The following ADAMTS7 variants were observed in gnomAD, a reference collection of about 807,000 sequenced individuals.
ADAMTS7 encodes the protein ADAM metallopeptidase with thrombospondin type 1 motif 7, also known as A disintegrin and metalloproteinase with thrombospondin motifs 7.
In ADAMTS7, 89 loss-of-function variants were observed where a neutral mutation model predicts 172.6. That is an observed-to-expected ratio of 0.52 (90% CI 0.43 to 0.61). The LOEUF (loss-of-function observed/expected upper bound fraction) is 0.61, where lower values mean the gene tolerates loss of function less well. Ranked by LOEUF, ADAMTS7 falls within the 20% of genes least tolerant of loss-of-function variation. ADAMTS7 has a pLI of 0.00. For synonymous variants in ADAMTS7, 885 were observed against 978.4 expected, an observed-to-expected ratio of 0.90 and a Z score of 1.78; for missense variants, 1,973 against 2,355.6, an observed-to-expected ratio of 0.84 and a Z score of 3.36.
chr15:78,806,837 G>T (rs910979445), intron 1 of ADAMTS7, among the ~76,000 whole-genome samples: 3 of 152,132 alleles, frequency 2.0e-5, no homozygotes, highest in African/African-American at 7.2e-5. Flanking sequence ...CATGATCTTG[G>T]CTCACTGCAA....
At chr15:78,785,713 AG>A (rs1450269099) in intron 8 of ADAMTS7, among the ~76,000 whole-genome samples, 5 of 152,248 alleles carry the variant, frequency 3.3e-5, no homozygotes, top group African/African-American at 1.2e-4. Context: ...ATGTATGTAC[AG>A]GAAGTGATGC....
Position 78,800,504 on chromosome 15 carries a change from C to A in ADAMTS7, c.144G>T (p.Pro48=), listed in dbSNP as rs778595362. 1.0e-5 allele frequency: 16 copies of A among 1,607,538 alleles called. No individual in the cohort carries two copies. Among genetic ancestry groups the A allele is most frequent in the South Asian group, 3.3e-5 (3 of 90,018 alleles). The part of the protein sequence containing the change: ...EGRAALDIVH[P]VRVDAGGSFL... ...AGGAGCCCCCCGCGTCGACTCGAAC[C>A]GGGTGCACGATGTCCAGTGCCGCCC... Residue 48 remains proline, a synonymous_variant, in exon 2 of 24, where the codon CCG becomes CCT. Transcript: ENST00000388820.
intron 1 of ADAMTS7, among the ~76,000 whole-genome samples, chr15:78,804,542 C>A (rs1269719001): frequency 6.6e-6 from 1 of 152,220 alleles, no homozygotes; most frequent in African/African-American, 2.4e-5. Flanking sequence ...GCTGCCCAGC[C>A]CGAAGCTCCA....
In ADAMTS7 at chr15:78,767,571, C is replaced by G; in HGVS notation, c.2667G>C (p.Gln889His). 6.4e-7 allele frequency: 1 copy of G among 1,551,356 alleles called. No individual in the cohort carries two copies. The highest frequency in any genetic ancestry group is 8.7e-7 in the Non-Finnish European group (1 of 1,147,998). The change falls in exon 18 of 24, where the codon CAG becomes CAC. Residue 889 changes from glutamine to histidine, a missense_variant. Transcript: ENST00000388820. ...CPARWWAGEW[Q>H]LCSSSCGPGG... is the part of the protein sequence containing the mutation. ...CAGGCCCGCAGGAGCTGGAGCACAG[C>G]TGCCACTCACCTGCCCACCACCTGG...
intron 17 of ADAMTS7, 100 bp from the exon 18 acceptor site, chr15:78,767,692 T>G: frequency 8.6e-7 from 1 of 1,159,228 alleles, no homozygotes; most frequent in Non-Finnish European, 1.2e-6. Context: ...CCCTCGGCAT[T>G]TGGGTAGAGC....
At chr15:78,791,881 C>T (rs933579442) in intron 4 of ADAMTS7, among the ~76,000 whole-genome samples, 8 of 152,102 alleles carry the variant, frequency 5.3e-5, no homozygotes, top group Non-Finnish European at 1.0e-4. Context: ...ACCCAGGAGA[C>T]GGGGCTATCC....
chr15:78,792,841 A>G (rs1567233678), intron 4 of ADAMTS7, among the ~76,000 whole-genome samples: 1 of 151,870 alleles, frequency 6.6e-6, no homozygotes, highest in East Asian at 1.9e-4. Flanking sequence ...GAAAGAGAGA[A>G]AGAGAGAGAG....
At chr15:78,792,936 G>A (rs1324083985) in intron 4 of ADAMTS7, among the ~76,000 whole-genome samples, 1 of 152,218 alleles carries the variant, frequency 6.6e-6, no homozygotes, top group African/African-American at 2.4e-5. Flanking sequence ...ACTCAGGTCT[G>A]AGTCTAGCAC....
At chr15:78,795,883 A>G (rs1596197071) in intron 4 of ADAMTS7, among the ~76,000 whole-genome samples, 1 of 152,200 alleles carries the variant, frequency 6.6e-6, no homozygotes, top group African/African-American at 2.4e-5. Flanking sequence ...AATCAGCCAC[A>G]GTGCCCCCGG....
At chr15:78,790,942 C>T (rs2055572172) in intron 5 of ADAMTS7, 148 bp from the exon 6 acceptor site, 2 of 1,344,680 alleles carry the variant, frequency 1.5e-6, no homozygotes, top group South Asian at 2.7e-5. Flanking sequence ...CCTGACCATC[C>T]CTCCTGTAGG....
At chr15:78,781,958 T>C (rs1354669481) in intron 8 of ADAMTS7, among the ~76,000 whole-genome samples, 2 of 152,194 alleles carry the variant, frequency 1.3e-5, no homozygotes, top group African/African-American at 4.8e-5. Context: ...AGGCCCATCA[T>C]CATGTCCATT....
At position 78,788,345 on chromosome 15, in the gene ADAMTS7, T is replaced by C. The variant is rs1459891640; in HGVS notation, c.1208A>G (p.Asn403Ser). Residue 403 changes from asparagine (N) to serine (S), a missense_variant, in exon 8 of 24, where the codon AAT becomes AGT. Asn to Ser is a conservative substitution (Grantham distance 46, BLOSUM62 1). Around this residue, in one of 8 missense-constraint regions of ADAMTS7, gnomAD observed 526 missense variants for 662.9 expected, o/e 0.79. Transcript: ENST00000388820. ...SFGIQHDGSGNDCEPVGKRPF... is the reference protein window; with the variant it reads ...SFGIQHDGSGSDCEPVGKRPF... ...TCGTTTCCCAACGGGCTCACAGTCA[T>C]TGCCGCTTCCGTCATGCTGAATGCC... 6.2e-7 allele frequency: 1 copy of C among 1,613,258 alleles called. No individual in the cohort carries two copies. Among genetic ancestry groups the C allele is most frequent in the African/African-American group, 1.3e-5 (1 of 75,038 alleles).
chr15:78,779,842 G>A (rs1294472402), intron 8 of ADAMTS7, among the ~76,000 whole-genome samples: 2 of 151,536 alleles, frequency 1.3e-5, no homozygotes, highest in Admixed American at 6.6e-5. Flanking sequence ...GTGCTGACTC[G>A]CTGCACATGT....
In ADAMTS7 at chr15:78,766,378, C is replaced by A. The variant is rs754270496; in HGVS notation, c.3533G>T (p.Arg1178Met). 8 of 1,609,596 alleles carry A rather than the reference C, an allele frequency of 5.0e-6. No homozygotes were observed. Among genetic ancestry groups the A allele is most frequent in the Non-Finnish European group, 6.8e-6 (8 of 1,179,332 alleles). Residue 1178 changes from arginine to methionine, a missense_variant, in exon 19 of 24, where the codon AGG becomes ATG. Coordinates refer to ENST00000388820, the MANE Select transcript of ADAMTS7 (RefSeq NM_014272.5). ...DLGLPSLSWPRVSTDGLQTPA... is the reference protein window; with the variant it reads ...DLGLPSLSWPMVSTDGLQTPA... ...TGTCTGCAGGCCATCAGTGGAAACC[C>A]TGGGCCAGGACAGGCTGGGGAGCCC... is the stretch of plus-strand genomic sequence containing the variant.
In ADAMTS7 at chr15:78,762,460, A is replaced by G; in HGVS notation, c.4846T>C (p.Trp1616Arg). 1 of 1,576,364 alleles carries G rather than the reference A, an allele frequency of 6.3e-7. No individual in the cohort carries two copies. The highest frequency in any genetic ancestry group is 8.6e-7 in the Non-Finnish European group (1 of 1,161,776). Residue 1616 changes from tryptophan to arginine, a missense_variant, in exon 23 of 24, where the codon TGG becomes CGG. Physicochemically the swap from Trp to Arg is moderately radical, Grantham distance 101. Coordinates refer to ENST00000388820, the MANE Select transcript of ADAMTS7 (RefSeq NM_014272.5). The part of the protein sequence containing the change: ...EDSDQCGHEA[W>R]PESSRPCGTE... ...CCACACGGCCGGGAGCTCTCAGGCC[A>G]GGCCTCGTGGCCACACTGGTCACTG...
intron 12 of ADAMTS7, 111 bp from the exon 13 acceptor site, chr15:78,774,411 A>C (rs1242518123): frequency 1.4e-6 from 2 of 1,423,120 alleles, no homozygotes; most frequent in African/African-American, 2.8e-5. Context: ...GCTCCCAAGC[A>C]GCACCAACAT....
At chr15:78,779,929 G>A (rs1268040842) in intron 8 of ADAMTS7, among the ~76,000 whole-genome samples, 1 of 148,052 alleles carries the variant, frequency 6.8e-6, no homozygotes, top group Non-Finnish European at 1.5e-5. Context: ...GGGAGAAGTC[G>A]GGAGCATGAG....
At chr15:78,800,797 A>G (rs2055714607) in intron 1 of ADAMTS7, among the ~76,000 whole-genome samples, 5 of 152,040 alleles carry the variant, frequency 3.3e-5, no homozygotes, top group Admixed American at 2.6e-4. Flanking sequence ...TTGTTTTGAG[A>G]CAGTCTCGCT....
rs1349816684 is a variant in ADAMTS7, at chr15:78,811,282, C to G, written c.-62G>C. 3.3e-6 allele frequency: 4 copies of G among 1,219,984 alleles called. No homozygotes were observed. Among genetic ancestry groups the G allele is most frequent in the Non-Finnish European group, 4.1e-6 (4 of 980,374 alleles). 75.6% of individuals were successfully genotyped at this position (1,219,984 alleles called of 1,614,324 possible). Reference sequence around the variant, plus strand: ...CACGCTCTCGTCCGTCCCGTCCGGTCGCTGCCTGGTCCCAGGTCCGGCTCA... The same window carrying G: ...CACGCTCTCGTCCGTCCCGTCCGGTGGCTGCCTGGTCCCAGGTCCGGCTCA... On this transcript the variant is annotated 5_prime_UTR_variant, in exon 1 of 24. Coordinates refer to ENST00000388820, the MANE Select transcript of ADAMTS7 (RefSeq NM_014272.5).
Sources: allele counts gnomAD v4.1 joint callset (sites outside exome capture counted in the v4.1 genomes callset), GRCh38; gene constraint gnomAD v4.1.1; regional missense constraint gnomAD v4.1.1; transcripts MANE v1.5; gene names NCBI Gene and HGNC (gene_info 2026-07-23, HGNC 2026-07-21).